ZBTB7C: variants seen among roughly 807,000 people sequenced by gnomAD.
ZBTB7C encodes the protein zinc finger and BTB domain-containing protein 7C.
In ZBTB7C, 8 loss-of-function variants were observed where a neutral mutation model predicts 25.7. That is an observed-to-expected ratio of 0.31 (90% CI 0.18 to 0.56). ZBTB7C has a LOEUF of 0.56. ZBTB7C is among the 20% of genes least tolerant of loss of function. ZBTB7C has a pLI of 0.91. For missense variants in ZBTB7C, 824 were observed against 855.2 expected, an observed-to-expected ratio of 0.96 and a Z score of 0.46; for synonymous variants, 394 against 369.0, an observed-to-expected ratio of 1.07 and a Z score of -0.78.
chr18:48,154,332 C>T (rs1352455291), intron 3 of ZBTB7C, among the ~76,000 whole-genome samples: 3 of 152,160 alleles, frequency 2.0e-5, no homozygotes, highest in South Asian at 2.1e-4. Flanking sequence ...GATACCTGAG[C>T]GGGGGAGGAG....
At chr18:48,390,190 T>G (rs904798553) in intron 1 of ZBTB7C, among the ~76,000 whole-genome samples, 1 of 152,210 alleles carries the variant, frequency 6.6e-6, no homozygotes, top group African/African-American at 2.4e-5. Context: ...AAATAGAAGA[T>G]AAAGATAGGC....
At chr18:48,230,767 A>G (rs1333214588) in intron 2 of ZBTB7C, among the ~76,000 whole-genome samples, 1 of 152,174 alleles carries the variant, frequency 6.6e-6, no homozygotes, top group African/African-American at 2.4e-5. Flanking sequence ...GTTAACAAAC[A>G]CTGCTAGGGG....
intron 1 of ZBTB7C, among the ~76,000 whole-genome samples, chr18:48,346,867 C>A (rs1346791836): frequency 2.0e-5 from 3 of 152,000 alleles, no homozygotes; most frequent in Non-Finnish European, 4.4e-5. Flanking sequence ...TCACTGCAAC[C>A]TCTGCCTCCC....
At chr18:48,085,628 A>G (rs2038164202) in intron 3 of ZBTB7C, among the ~76,000 whole-genome samples, 1 of 152,242 alleles carries the variant, frequency 6.6e-6, no homozygotes, top group Non-Finnish European at 1.5e-5. Flanking sequence ...AGTTAATACT[A>G]TGAGTACTTA....
intron 2 of ZBTB7C, among the ~76,000 whole-genome samples, chr18:48,328,847 C>CACT (rs1416395742): frequency 6.6e-6 from 1 of 152,204 alleles, no homozygotes; most frequent in Non-Finnish European, 1.5e-5. Flanking sequence ...TTCCAGGACT[C>CACT]ACTACATGGC....
chr18:48,137,007 C>T (rs2040191644), intron 3 of ZBTB7C: 2 of 985,110 alleles, frequency 2.0e-6, no homozygotes, highest in African/African-American at 1.7e-5. Context: ...GCAGACCCAC[C>T]TGGCCGCCCC....
intron 2 of ZBTB7C, among the ~76,000 whole-genome samples, chr18:48,330,762 A>G (rs1397658543): frequency 6.6e-6 from 1 of 152,042 alleles, no homozygotes; most frequent in Admixed American, 6.5e-5. Flanking sequence ...GGGTGGAGAC[A>G]GAATGGAAGA....
intron 1 of ZBTB7C, among the ~76,000 whole-genome samples, chr18:48,363,461 A>G (rs1369865311): frequency 6.6e-6 from 1 of 152,060 alleles, no homozygotes; most frequent in Admixed American, 6.6e-5. Context: ...AAAATACCCC[A>G]CAGGAACCTA....
chr18:48,160,565 T>G (rs2144944941), intron 3 of ZBTB7C, among the ~76,000 whole-genome samples: 1 of 152,214 alleles, frequency 6.6e-6, no homozygotes, highest in Non-Finnish European at 1.5e-5. Context: ...CTGTTAAAGA[T>G]CCCGGTTAAA....
intron 1 of ZBTB7C, among the ~76,000 whole-genome samples, chr18:48,373,973 A>AAGG: frequency 6.7e-6 from 1 of 149,530 alleles, no homozygotes; most frequent in African/African-American, 2.4e-5. Flanking sequence ...AAAAAAAAAA[A>AAGG]GCATGTGGCA....
At chr18:48,314,796 C>T (rs955903624) in intron 2 of ZBTB7C, among the ~76,000 whole-genome samples, 13 of 152,142 alleles carry the variant, frequency 8.5e-5, no homozygotes, top group African/African-American at 2.9e-4. Flanking sequence ...GAGAAGGGTG[C>T]AGGCTGCAGG....
chr18:48,400,818 G>A (rs2048140614), intron 1 of ZBTB7C, among the ~76,000 whole-genome samples: 1 of 152,180 alleles, frequency 6.6e-6, no homozygotes, highest in Non-Finnish European at 1.5e-5. Flanking sequence ...TTACATGGAT[G>A]ACTCTTGCTA....
chr18:48,392,191 T>C (rs1172143277), intron 1 of ZBTB7C, among the ~76,000 whole-genome samples: 1 of 152,242 alleles, frequency 6.6e-6, no homozygotes, highest in East Asian at 1.9e-4. Flanking sequence ...TGGTCCCCTT[T>C]CAAAGCACAA....
At chr18:48,061,288 A>G (rs945257187) in intron 3 of ZBTB7C, among the ~76,000 whole-genome samples, 4 of 152,184 alleles carry the variant, frequency 2.6e-5, no homozygotes, top group African/African-American at 9.7e-5. Context: ...CACATTCCCC[A>G]GGAAAATATT....
intron 2 of ZBTB7C, among the ~76,000 whole-genome samples, chr18:48,195,533 C>T (rs1347502790): frequency 6.6e-6 from 1 of 152,214 alleles, no homozygotes; most frequent in Non-Finnish European, 1.5e-5. Flanking sequence ...CCATGTGGAA[C>T]TGTGAATCCA....
chr18:48,047,712 A>T (rs2036529013), intron 3 of ZBTB7C, among the ~76,000 whole-genome samples: 1 of 152,132 alleles, frequency 6.6e-6, no homozygotes, highest in Non-Finnish European at 1.5e-5. Flanking sequence ...TCTCAGAGAG[A>T]GACTGTGCTC....
chr18:48,258,284 A>G (rs1944585), intron 2 of ZBTB7C, among the ~76,000 whole-genome samples: 59,279 of 152,038 alleles, frequency 0.39, 11,881 homozygotes, highest in Middle Eastern at 0.48. Flanking sequence ...AAGTAAGACT[A>G]CTTTTATTCA....
intron 4 of ZBTB7C, among the ~76,000 whole-genome samples, chr18:48,031,290 T>C (rs1382596404): frequency 6.6e-6 from 1 of 152,008 alleles, no homozygotes; most frequent in African/African-American, 2.4e-5. Context: ...GAGAGGAGGA[T>C]CAGAGAGGAC....
At chr18:48,075,949 G>A (rs528380370) in intron 3 of ZBTB7C, among the ~76,000 whole-genome samples, 23 of 152,322 alleles carry the variant, frequency 1.5e-4, no homozygotes, top group African/African-American at 5.5e-4. Flanking sequence ...CTAAGAGAGC[G>A]CCTCTTGGCA....
Sources: gnomAD v4.1 joint callset for allele counts (sites outside exome capture counted in the v4.1 genomes callset) on GRCh38, gnomAD v4.1.1 for gene constraint, MANE v1.5 for transcripts, NCBI Gene and HGNC (gene_info 2026-07-23, HGNC 2026-07-21) for gene names.